The following OPCML variants were observed in gnomAD, a reference collection of about 807,000 sequenced individuals.
OPCML encodes opioid binding protein/cell adhesion molecule like, also known as opioid-binding protein/cell adhesion molecule.
Under a neutral mutation model 37.8 loss-of-function variants are expected in OPCML, and 13 were observed. The observed-to-expected ratio is 0.34, with a 90% CI of 0.22 to 0.55. The LOEUF (loss-of-function observed/expected upper bound fraction) is 0.55. Among genes scored for constraint, OPCML ranks in the 20% least tolerant of loss-of-function variants. OPCML has a pLI of 0.91. For synonymous variants in OPCML, 176 were observed against 168.8 expected (o/e 1.04, Z -0.33); for missense variants, 341 against 435.6 (o/e 0.78, Z 1.93).
At chr11:132,827,227 A>G (rs1940402511) in intron 2 of OPCML, among the ~76,000 whole-genome samples, 1 of 152,198 alleles carries the variant, frequency 6.6e-6, no homozygotes, top group Non-Finnish European at 1.5e-5. Flanking sequence ...AACAATAAAA[A>G]ACAATTGACC....
chr11:132,576,153 A>G (rs999153268), intron 3 of OPCML, among the ~76,000 whole-genome samples: 2 of 151,884 alleles, frequency 1.3e-5, no homozygotes, highest in African/African-American at 4.8e-5. Flanking sequence ...AGTTCATTTT[A>G]CTTGTTACTT....
chr11:132,639,014 A>G (rs895829000), intron 3 of OPCML, among the ~76,000 whole-genome samples: 2 of 152,270 alleles, frequency 1.3e-5, no homozygotes, highest in Non-Finnish European at 2.9e-5. Flanking sequence ...AGTTTTCTAG[A>G]TCTTTTGACT....
At chr11:132,516,415 T>C (rs1391812245) in intron 4 of OPCML, among the ~76,000 whole-genome samples, 1 of 151,844 alleles carries the variant, frequency 6.6e-6, no homozygotes, top group African/African-American at 2.4e-5. Flanking sequence ...TGTCTTCCCC[T>C]TTTTTTTCTC....
intron 1 of OPCML, among the ~76,000 whole-genome samples, chr11:132,956,026 C>G (rs1245762361): frequency 4.6e-5 from 7 of 152,190 alleles, no homozygotes; most frequent in Admixed American, 4.6e-4. Flanking sequence ...AATTATGTAT[C>G]TCTAACCCAT....
At chr11:132,585,590 G>C (rs1306104183) in intron 3 of OPCML, among the ~76,000 whole-genome samples, 2 of 152,110 alleles carry the variant, frequency 1.3e-5, no homozygotes, top group Non-Finnish European at 2.9e-5. Flanking sequence ...TCAAAATCAA[G>C]ATCGGGCAAT....
intron 2 of OPCML, among the ~76,000 whole-genome samples, chr11:132,877,045 C>T (rs996040924): frequency 6.6e-6 from 1 of 152,166 alleles, no homozygotes; most frequent in African/African-American, 2.4e-5. Context: ...CTCTATCACA[C>T]GCAAGGGAAG....
intron 1 of OPCML, among the ~76,000 whole-genome samples, chr11:133,501,735 C>T: frequency 1.1e-5 from 1 of 94,028 alleles, no homozygotes; most frequent in South Asian, 2.5e-4. Flanking sequence ...GTGACCAAGA[C>T]CCCCCACCCC....
chr11:132,613,046 A>G (rs1938753595), intron 3 of OPCML, among the ~76,000 whole-genome samples: 1 of 152,200 alleles, frequency 6.6e-6, no homozygotes. Context: ...TTAAAATTAG[A>G]TAGGGGCAGA....
intron 1 of OPCML, among the ~76,000 whole-genome samples, chr11:133,331,462 G>A (rs1943618059): frequency 6.6e-6 from 1 of 151,868 alleles, no homozygotes; most frequent in Non-Finnish European, 1.5e-5. Flanking sequence ...ACTTCTAACT[G>A]GAGTTTTCTT....
At chr11:132,701,550 G>A (rs576125031) in intron 2 of OPCML, among the ~76,000 whole-genome samples, 55 of 152,208 alleles carry the variant, frequency 3.6e-4, no homozygotes, top group African/African-American at 1.2e-3. Context: ...TCTAAAGTGA[G>A]GTCCTTGTTG....
intron 2 of OPCML, among the ~76,000 whole-genome samples, chr11:132,816,237 G>A (rs1285415356): frequency 6.6e-6 from 1 of 152,176 alleles, no homozygotes; most frequent in Admixed American, 6.5e-5. Context: ...TCTTAGGTCA[G>A]TTTCTGCTTT....
In OPCML at chr11:133,515,394, G is replaced by T. The variant is rs184618694; in HGVS notation, c.61+16870C>A. Reference sequence around the variant, plus strand: ...TGTCACAGCTCAAAAGGTGCCACTGGCATCTGGTGGCTGGAGGCCAGGGAT... The same window carrying T: ...TGTCACAGCTCAAAAGGTGCCACTGTCATCTGGTGGCTGGAGGCCAGGGAT... On this transcript the variant is annotated intron_variant, in intron 1 of 7. Transcript: ENST00000524381. Among the ~76,000 whole-genome samples, 64 of 152,340 alleles carry T rather than the reference G, an allele frequency of 4.2e-4. 2 individuals are homozygous for T. The East Asian group carries it at 0.012, about 28-fold the overall frequency.
At chr11:132,451,954 G>A (rs1291871582) in intron 4 of OPCML, among the ~76,000 whole-genome samples, 1 of 152,002 alleles carries the variant, frequency 6.6e-6, no homozygotes. Context: ...ATTTCTGTGC[G>A]GTACAGAGTA....
At chr11:133,527,404 T>TTAA (rs1468123328) in intron 1 of OPCML, among the ~76,000 whole-genome samples, 1 of 152,212 alleles carries the variant, frequency 6.6e-6, no homozygotes, top group Non-Finnish European at 1.5e-5. Flanking sequence ...CGATTAATGA[T>TTAA]TTTTGAGGCA....
chr11:133,398,839 T>A (rs7107492), intron 1 of OPCML, among the ~76,000 whole-genome samples: 1 of 151,752 alleles, frequency 6.6e-6, no homozygotes, highest in Non-Finnish European at 1.5e-5. Context: ...CAGGGTCCCA[T>A]GCCTCACCAA....
intron 1 of OPCML, among the ~76,000 whole-genome samples, chr11:133,202,477 C>T (rs1302746988): frequency 1.3e-5 from 2 of 152,188 alleles, no homozygotes; most frequent in African/African-American, 4.8e-5. Flanking sequence ...CACTATTCAA[C>T]CGTCATATAT....
rs11361893 is a variant in OPCML at position 133,152,875 on chromosome 11, CTTT to C, written c.62-209868_62-209866del. The stretch of plus-strand genomic sequence containing the variant: ...ATAAAAGGGTTGAAGTCAGGTTATC[CTTT>C]TTTTTTTTTTATCATCATTTTGCTA... On this transcript the variant is annotated intron_variant, in intron 1 of 7. Transcript: ENST00000524381. 1.5e-3 allele frequency among the ~76,000 whole-genome samples: 217 copies of C among 147,888 alleles called. 1 individual carries two copies. Among genetic ancestry groups the C allele is most frequent in the African/African-American group, 5.3e-3 (215 of 40,688 alleles).
intron 1 of OPCML, among the ~76,000 whole-genome samples, chr11:132,986,317 T>C (rs1946681290): frequency 6.6e-6 from 1 of 152,216 alleles, no homozygotes; most frequent in Non-Finnish European, 1.5e-5. Context: ...AAGTAGTTTT[T>C]AGTAAAAAGT....
intron 1 of OPCML, among the ~76,000 whole-genome samples, chr11:133,087,482 C>T (rs1591989789): frequency 6.6e-6 from 1 of 152,082 alleles, no homozygotes. Context: ...CTGTTCCCAT[C>T]TTTATGTCCA....
Sources: allele counts gnomAD v4.1 joint callset (sites outside exome capture counted in the v4.1 genomes callset), GRCh38; gene constraint gnomAD v4.1.1; transcripts MANE v1.5; gene names NCBI Gene and HGNC (gene_info 2026-07-23, HGNC 2026-07-21).